Variants in FAM184A observed in about 807,000 individuals in gnomAD.
The protein encoded by FAM184A is protein FAM184A.
A neutral mutation model predicts 143.8 loss-of-function variants in FAM184A; 99 were observed. The ratio of observed to expected loss-of-function variants is 0.69; its 90% CI spans 0.58 to 0.81. The LOEUF (loss-of-function observed/expected upper bound fraction) is 0.81, where lower values mean the gene tolerates loss of function less well. Among genes scored for constraint, FAM184A ranks in the 40% least tolerant of loss-of-function variants. FAM184A has a pLI of 0.00. For missense variants in FAM184A, 1,217 were observed against 1,310.5 expected, an observed-to-expected ratio of 0.93 and a Z score of 1.10; for synonymous variants, 427 against 446.4, an observed-to-expected ratio of 0.96 and a Z score of 0.55.
intron 1 of FAM184A, among the ~76,000 whole-genome samples, chr6:119,092,715 A>G (rs1419897691): frequency 2.6e-5 from 4 of 152,096 alleles, no homozygotes; most frequent in African/African-American, 9.7e-5. Context: ...ATGTGATTGC[A>G]GGGCCTTTCC....
At chr6:118,989,237 C>T (rs895933197) in intron 9 of FAM184A, among the ~76,000 whole-genome samples, 3 of 151,784 alleles carry the variant, frequency 2.0e-5, no homozygotes, top group African/African-American at 4.8e-5. Flanking sequence ...CTTGGGATTA[C>T]AGGCGTGAGC....
intron 9 of FAM184A, among the ~76,000 whole-genome samples, chr6:118,991,452 C>T (rs1025661819): frequency 1.3e-5 from 2 of 152,032 alleles, no homozygotes; most frequent in Non-Finnish European, 2.9e-5. Flanking sequence ...TGTGAGCCAC[C>T]GTTCCCGGCC....
intron 9 of FAM184A, among the ~76,000 whole-genome samples, chr6:118,984,179 TTA>T (rs1306032627): frequency 1.5e-5 from 2 of 134,458 alleles, no homozygotes; most frequent in African/African-American, 5.6e-5. Flanking sequence ...ATATATATAT[TTA>T]TATATATATT....
intron 11 of FAM184A, among the ~76,000 whole-genome samples, chr6:118,976,321 G>A (rs1437605167): frequency 1.3e-5 from 2 of 152,120 alleles, no homozygotes; most frequent in Non-Finnish European, 2.9e-5. Flanking sequence ...TGCAGGTAAA[G>A]TGCTAATGGA....
At chr6:119,090,674 C>T (rs769781870) in intron 1 of FAM184A, among the ~76,000 whole-genome samples, 4 of 152,138 alleles carry the variant, frequency 2.6e-5, no homozygotes, top group Non-Finnish European at 4.4e-5. Context: ...AGCAAATGTC[C>T]CTTGCTGCAA....
intron 1 of FAM184A, among the ~76,000 whole-genome samples, chr6:119,116,084 G>T (rs532490587): frequency 6.6e-6 from 1 of 152,140 alleles, no homozygotes; most frequent in East Asian, 1.9e-4. Context: ...AGGAGATGGG[G>T]CCACAGTGAG....
rs535357110 is a variant in FAM184A, at chr6:119,088,427, G to A, written c.-202+60651C>T. Among the ~76,000 whole-genome samples the A allele has an allele frequency of 3.9e-5, 6 of 152,248 alleles. No homozygotes were observed. The South Asian group carries it at 1.2e-3, about 32-fold the overall frequency. On this transcript the variant is annotated intron_variant, in intron 1 of 16. Coordinates refer to the FAM184A transcript ENST00000352896. ...CATTTCCTATCCAAGGTCATGGTTAGCTAAAGAGGACGTCTAAATATAAGA... is the reference window on the plus strand; with the variant it reads ...CATTTCCTATCCAAGGTCATGGTTAACTAAAGAGGACGTCTAAATATAAGA...
chr6:118,971,662 A>G (rs1583767539), intron 14 of FAM184A, among the ~76,000 whole-genome samples: 1 of 152,336 alleles, frequency 6.6e-6, no homozygotes, highest in African/African-American at 2.4e-5. Flanking sequence ...TAAAATTTCT[A>G]TAGAACTCTC....
intron 1 of FAM184A, among the ~76,000 whole-genome samples, chr6:119,040,605 T>C (rs1786292004): frequency 6.6e-6 from 1 of 152,202 alleles, no homozygotes; most frequent in South Asian, 2.1e-4. Context: ...GCCTAAACCA[T>C]GTAATGTCTC....
At chr6:119,044,663 A>T (rs185800480) in intron 1 of FAM184A, among the ~76,000 whole-genome samples, 1 of 152,264 alleles carries the variant, frequency 6.6e-6, no homozygotes, top group East Asian at 1.9e-4. Flanking sequence ...GAAAAAAAAA[A>T]TTAAGAAAAC....
chr6:119,108,127 T>TTGTGTGTGTGTGTG (rs1788836222), intron 1 of FAM184A, among the ~76,000 whole-genome samples: 1 of 25,460 alleles, frequency 3.9e-5, no homozygotes, highest in Non-Finnish European at 6.8e-5. Context: ...AAGCACTTGT[T>TTGTGTGTGTGTGTG]AGTGTGTGTG....
intron 9 of FAM184A, among the ~76,000 whole-genome samples, chr6:119,001,161 A>G (rs1376647501): frequency 6.7e-6 from 1 of 148,820 alleles, no homozygotes; most frequent in Non-Finnish European, 1.5e-5. Context: ...CCTTGATAGC[A>G]TCATACCCAT....
chr6:119,027,485 A>G (rs1462227418), intron 1 of FAM184A, among the ~76,000 whole-genome samples: 1 of 152,212 alleles, frequency 6.6e-6, no homozygotes, highest in Non-Finnish European at 1.5e-5. Flanking sequence ...ATCATTGGAC[A>G]CAGTGAAATA....
intron 9 of FAM184A, among the ~76,000 whole-genome samples, chr6:118,980,872 C>T (rs1783999623): frequency 6.6e-6 from 1 of 152,170 alleles, no homozygotes; most frequent in African/African-American, 2.4e-5. Flanking sequence ...ATGTACTAAG[C>T]ATTCAACAAA....
chr6:119,023,034 A>C lies in FAM184A; in HGVS notation c.1061T>G (p.Leu354Arg). ...TTCCACTTCTTTGTGCTTGCTTAAT[A>C]GGGCCATTTCTCCCTCCTTGGCATC... The part of the protein sequence containing the change: ...LDDAKEGEMA[L>R]LSKHKEVESE... Residue 354 changes from leucine (L) to arginine (R), a missense_variant, in exon 3 of 18, where the codon CTA becomes CGA. Physicochemically the swap from Leu to Arg is moderately radical, Grantham distance 102 (BLOSUM62 -2). Coordinates refer to ENST00000338891, the MANE Select transcript of FAM184A (RefSeq NM_024581.6). 1 of 1,614,178 alleles carries C rather than the reference A, an allele frequency of 6.2e-7. No homozygotes were observed.
intron 1 of FAM184A, among the ~76,000 whole-genome samples, chr6:119,139,532 C>G (rs528033201): frequency 6.6e-6 from 1 of 151,480 alleles, no homozygotes; most frequent in Non-Finnish European, 1.5e-5. Context: ...ACAGCAGAGA[C>G]AGGAAAAAAT....
At chr6:119,136,700 T>C (rs1427135948) in intron 1 of FAM184A, among the ~76,000 whole-genome samples, 1 of 152,252 alleles carries the variant, frequency 6.6e-6, no homozygotes, top group Non-Finnish European at 1.5e-5. Flanking sequence ...GATACTATCA[T>C]GAAAATAAAC....
At chr6:119,010,195 A>C (rs1207684570) in intron 6 of FAM184A, among the ~76,000 whole-genome samples, 1 of 152,216 alleles carries the variant, frequency 6.6e-6, no homozygotes, top group Non-Finnish European at 1.5e-5. Flanking sequence ...TACTATAAAC[A>C]GTGCTGAAAT....
chr6:119,074,428 T>C (rs1406734538), intron 1 of FAM184A, among the ~76,000 whole-genome samples: 1 of 152,210 alleles, frequency 6.6e-6, no homozygotes, highest in Non-Finnish European at 1.5e-5. Context: ...TTGTTGGTAC[T>C]GGGCATTTTA....
Sources: gnomAD v4.1 joint callset for allele counts (sites outside exome capture counted in the v4.1 genomes callset) on GRCh38, gnomAD v4.1.1 for gene constraint, MANE v1.5 for transcripts, NCBI Gene and HGNC (gene_info 2026-07-23, HGNC 2026-07-21) for gene names.